The following PREP variants were observed in gnomAD, a reference collection of about 807,000 sequenced individuals.
PREP encodes the protein prolyl endopeptidase.
PREP carries 29 observed loss-of-function variants against 87.6 expected under a neutral mutation model. The observed-to-expected ratio is 0.33, with a 90% CI of 0.25 to 0.45. The LOEUF (loss-of-function observed/expected upper bound fraction) is 0.45, where lower values mean the gene tolerates loss of function less well. Ranked by LOEUF, PREP falls within the 20% of genes least tolerant of loss-of-function variation. The pLI, the probability that PREP is intolerant of heterozygous loss-of-function variation, is 1.00. For missense variants in PREP, 695 were observed against 886.5 expected (o/e 0.78, Z 2.74); for synonymous variants, 337 against 328.6 (o/e 1.03, Z -0.28).
At chr6:105,397,816 C>T (rs912965301) in intron 2 of PREP, 37 bp downstream of exon 2, 2 of 1,491,938 alleles carry the variant, frequency 1.3e-6, no homozygotes, top group Non-Finnish European at 9.4e-7. Context: ...GTGCTAGCTA[C>T]TAAGGCTGCC....
intron 10 of PREP, among the ~76,000 whole-genome samples, chr6:105,313,606 C>T (rs958623296): frequency 3.9e-5 from 6 of 152,182 alleles, no homozygotes; most frequent in Non-Finnish European, 8.8e-5. Flanking sequence ...ATTAGGGAGG[C>T]AGAAATAGGG....
intron 7 of PREP, among the ~76,000 whole-genome samples, chr6:105,336,696 T>C (rs1442787693): frequency 6.6e-6 from 1 of 152,246 alleles, no homozygotes; most frequent in Non-Finnish European, 1.5e-5. Flanking sequence ...ATTAGCTATG[T>C]GATGCCTTCA....
chr6:105,336,272 A>C (rs111311154), intron 7 of PREP, among the ~76,000 whole-genome samples: 1,527 of 152,338 alleles, frequency 0.01, 28 homozygotes, highest in African/African-American at 0.035. Flanking sequence ...GAAAATATAC[A>C]TAAAATAAAA....
chr6:105,287,957 G>GA (rs1376706521), intron 11 of PREP, among the ~76,000 whole-genome samples: 4 of 152,260 alleles, frequency 2.6e-5, no homozygotes, highest in African/African-American at 9.6e-5. Context: ...AATAATCACA[G>GA]AAACAGCACA....
intron 5 of PREP, 151 bp from the exon 6 acceptor site, chr6:105,369,175 C>G: frequency 1.5e-6 from 1 of 673,006 alleles, no homozygotes; most frequent in South Asian, 2.5e-5. Flanking sequence ...TCCTATATAC[C>G]AGCAACGAAC....
rs201353081 is a variant in PREP, at chr6:105,391,061, T to A, written c.120+6792A>T. Among the ~76,000 whole-genome samples the A allele has an allele frequency of 9.2e-4, 91 of 99,042 alleles. 1 individual carries two copies. The highest frequency in any genetic ancestry group is 5.5e-3 in the African/African-American group (85 of 15,520). The allele number at this position is 99,042 out of a possible 152,430, so 65.0% of individuals were successfully genotyped here. A position where few individuals can be genotyped will look rare whatever the true frequency, so the allele number is the denominator to read the frequency against. ...CACACACACACACACACACACACAC[T>A]TTTTTTTTTTTTTAATTAAGAGACA... On this transcript the variant is annotated intron_variant, in intron 2 of 14. Coordinates refer to ENST00000652536, the MANE Select transcript of PREP (RefSeq NM_002726.5).
At chr6:105,324,591 C>T (rs926432371) in intron 9 of PREP, among the ~76,000 whole-genome samples, 7 of 152,116 alleles carry the variant, frequency 4.6e-5, no homozygotes, top group Non-Finnish European at 7.4e-5. Context: ...ATAGCACCTC[C>T]CCACATAATA....
At chr6:105,314,494 A>C (rs1422427735) in intron 10 of PREP, among the ~76,000 whole-genome samples, 3 of 152,242 alleles carry the variant, frequency 2.0e-5, no homozygotes, top group Non-Finnish European at 4.4e-5. Flanking sequence ...CATTTCAACA[A>C]TGTTCACAGC....
chr6:105,390,366 C>G (rs1002019153), intron 2 of PREP, among the ~76,000 whole-genome samples: 5 of 152,034 alleles, frequency 3.3e-5, no homozygotes, highest in Admixed American at 2.0e-4. Context: ...ATACTTTTTT[C>G]CAATCCTGTT....
chr6:105,394,652 T>C (rs1193308266), intron 2 of PREP, among the ~76,000 whole-genome samples: 5 of 152,164 alleles, frequency 3.3e-5, no homozygotes, highest in African/African-American at 1.2e-4. Flanking sequence ...TAGCAGTAGC[T>C]AGTTTAGCCA....
At chr6:105,387,967 G>A (rs1260327839) in intron 2 of PREP, among the ~76,000 whole-genome samples, 1 of 152,146 alleles carries the variant, frequency 6.6e-6, no homozygotes, top group African/African-American at 2.4e-5. Flanking sequence ...TGGGCACCTA[G>A]ATAAACTAAG....
intron 1 of PREP, among the ~76,000 whole-genome samples, chr6:105,400,280 G>T (rs939733333): frequency 2.6e-5 from 4 of 152,088 alleles, no homozygotes; most frequent in Non-Finnish European, 5.9e-5. Context: ...AATCCTGTTC[G>T]ATATTTTACT....
Position 105,383,075 on chromosome 6 carries a change from G to A in PREP, c.121-5556C>T, listed in dbSNP as rs544169028. Among the ~76,000 whole-genome samples, 9 of 152,208 alleles carry A rather than the reference G, an allele frequency of 5.9e-5. No individual in the cohort carries two copies. In the East Asian group the frequency reaches 1.2e-3, roughly 20 times the overall value. ...CCCCATCAAAAAGCAGCCAAGAGGC[G>A]CTCACCCTGAGGCTGTAGGACTTAG... is the stretch of plus-strand genomic sequence containing the variant. On this transcript the variant is annotated intron_variant, in intron 2 of 14. Transcript: ENST00000652536.
chr6:105,338,775 G>C (rs1404159971), intron 7 of PREP, among the ~76,000 whole-genome samples: 3 of 152,212 alleles, frequency 2.0e-5, no homozygotes, highest in South Asian at 2.1e-4. Context: ...CACGCCCACG[G>C]AGCCTTGCTC....
chr6:105,342,769 C>T (rs1219972292), intron 7 of PREP, among the ~76,000 whole-genome samples: 1 of 152,182 alleles, frequency 6.6e-6, no homozygotes, highest in Non-Finnish European at 1.5e-5. Flanking sequence ...TGAGTGAACT[C>T]CCATTCTCAA....
chr6:105,372,589 A>G (rs1772589599), intron 5 of PREP, among the ~76,000 whole-genome samples: 2 of 152,210 alleles, frequency 1.3e-5, no homozygotes, highest in Admixed American at 1.3e-4. Flanking sequence ...TCTTTGTGCA[A>G]TTAAAGAGAA....
chr6:105,368,578 C>T (rs574598897), intron 6 of PREP, among the ~76,000 whole-genome samples: 2 of 152,320 alleles, frequency 1.3e-5, no homozygotes, highest in South Asian at 2.1e-4. Flanking sequence ...AAGGCTACCA[C>T]ACTCACCTCT....
chr6:105,296,926 T>A (rs1301716050), intron 10 of PREP, among the ~76,000 whole-genome samples: 1 of 152,220 alleles, frequency 6.6e-6, no homozygotes, highest in Admixed American at 6.5e-5. Context: ...TGTCCACATC[T>A]GCAGGCCCAT....
chr6:105,402,643 C>T (rs977608300), intron 1 of PREP, among the ~76,000 whole-genome samples: 2 of 152,108 alleles, frequency 1.3e-5, no homozygotes, highest in African/African-American at 4.8e-5. Context: ...CCGCCGCCAG[C>T]ACTAGCAGAG....
Sources: gnomAD v4.1 joint callset for allele counts (sites outside exome capture counted in the v4.1 genomes callset) on GRCh38, gnomAD v4.1.1 for gene constraint, MANE v1.5 for transcripts, NCBI Gene and HGNC (gene_info 2026-07-23, HGNC 2026-07-21) for gene names.